The following FSTL4 variants were observed in gnomAD, a reference collection of about 807,000 sequenced individuals.
FSTL4 encodes the protein follistatin like 4, also known as follistatin-related protein 4.
A neutral mutation model predicts 78.2 loss-of-function variants in FSTL4; 28 were observed. The ratio of observed to expected loss-of-function variants is 0.36; its 90% CI spans 0.27 to 0.49. The LOEUF is 0.49. Ranked by LOEUF, FSTL4 falls within the 20% of genes least tolerant of loss-of-function variation. The pLI is 0.98. For missense variants in FSTL4, 922 were observed against 1,084.9 expected (o/e 0.85, Z 2.11); for synonymous variants, 422 against 440.5 (o/e 0.96, Z 0.53).
chr5:133,303,656 T>A (rs1213303413), intron 6 of FSTL4, among the ~76,000 whole-genome samples: 2 of 152,140 alleles, frequency 1.3e-5, no homozygotes, highest in Non-Finnish European at 2.9e-5. Context: ...AGCTGGGCCT[T>A]GTAGTAGTGG....
At chr5:133,450,982 C>G in intron 3 of FSTL4, among the ~76,000 whole-genome samples, 1 of 151,710 alleles carries the variant, frequency 6.6e-6, no homozygotes, top group Non-Finnish European at 1.5e-5. Context: ...GAGACAGGGA[C>G]AGAGGAGGGA....
chr5:133,314,120 T>C (rs891076069), intron 5 of FSTL4, among the ~76,000 whole-genome samples: 2 of 152,160 alleles, frequency 1.3e-5, no homozygotes, highest in African/African-American at 4.8e-5. Flanking sequence ...CAGCTTCTGT[T>C]CAAGACAAGC....
the FSTL4 span, among the ~76,000 whole-genome samples, chr5:133,716,070 C>G: frequency 6.6e-6 from 1 of 152,166 alleles, no homozygotes. Context: ...TAAGCAAGTA[C>G]TGGTTCAAAT....
intron 3 of FSTL4, among the ~76,000 whole-genome samples, chr5:133,509,588 T>C (rs1758682392): frequency 6.6e-6 from 1 of 152,370 alleles, no homozygotes; most frequent in Middle Eastern, 3.4e-3. Flanking sequence ...TAAATGGTTA[T>C]TGCTCTCAGC....
At chr5:133,517,479 C>CCA (rs70974086) in intron 3 of FSTL4, among the ~76,000 whole-genome samples, 3,894 of 54,990 alleles carry the variant, frequency 0.071, 198 homozygotes, top group African/African-American at 0.12. Flanking sequence ...CACACACACA[C>CCA]CACACACACA....
the FSTL4 span, among the ~76,000 whole-genome samples, chr5:133,793,271 G>A: frequency 6.6e-6 from 1 of 152,176 alleles, no homozygotes; most frequent in African/African-American, 2.4e-5. Flanking sequence ...AATGATTTTA[G>A]GTAAACTCAT....
chr5:133,424,745 T>A (rs1007631667), intron 3 of FSTL4, among the ~76,000 whole-genome samples: 2 of 152,326 alleles, frequency 1.3e-5, no homozygotes, highest in African/African-American at 2.4e-5. Flanking sequence ...AAATACCACG[T>A]AAAGGAGAGA....
chr5:133,595,223 T>C (rs549125415), intron 2 of FSTL4, among the ~76,000 whole-genome samples: 2 of 152,240 alleles, frequency 1.3e-5, no homozygotes, highest in South Asian at 4.2e-4. Flanking sequence ...CCTACACACA[T>C]CCCATACGAT....
At chr5:133,235,613 C>A (rs1751636990) in intron 7 of FSTL4, among the ~76,000 whole-genome samples, 1 of 151,916 alleles carries the variant, frequency 6.6e-6, no homozygotes, top group African/African-American at 2.4e-5. Flanking sequence ...TGAGCACATG[C>A]AGCCTGCTTG....
At chr5:133,237,143 C>A (rs1054079993) in intron 7 of FSTL4, among the ~76,000 whole-genome samples, 5 of 152,156 alleles carry the variant, frequency 3.3e-5, no homozygotes, top group Admixed American at 6.5e-5. Context: ...AGGCAGCTGG[C>A]GGGAGGAGCA....
the FSTL4 span, among the ~76,000 whole-genome samples, chr5:133,779,049 C>T: frequency 8.5e-5 from 13 of 152,214 alleles, no homozygotes; most frequent in Non-Finnish European, 1.5e-4. Flanking sequence ...TGTGGGACCA[C>T]CAGTGGCCCA....
intron 3 of FSTL4, among the ~76,000 whole-genome samples, chr5:133,401,845 G>A (rs1756234371): frequency 6.7e-6 from 1 of 149,288 alleles, no homozygotes; most frequent in Admixed American, 6.6e-5. Flanking sequence ...GATGTGAGTA[G>A]GAGTTTTGTA....
At chr5:133,622,116 A>G in the FSTL4 span, among the ~76,000 whole-genome samples, 1 of 150,626 alleles carries the variant, frequency 6.6e-6, no homozygotes, top group East Asian at 1.9e-4. Flanking sequence ...TAACTGTGTC[A>G]TTTTAAGAAT....
At chr5:133,448,743 G>GA (rs1252874663) in intron 3 of FSTL4, among the ~76,000 whole-genome samples, 2 of 150,140 alleles carry the variant, frequency 1.3e-5, no homozygotes, top group Middle Eastern at 3.4e-3. Context: ...CGGGGGCGGG[G>GA]GGGGGGGGCG....
At chr5:133,706,340 T>A in the FSTL4 span, among the ~76,000 whole-genome samples, 8 of 152,222 alleles carry the variant, frequency 5.3e-5, no homozygotes, top group Non-Finnish European at 8.8e-5. Flanking sequence ...TTATGATCAA[T>A]ACTGGAAAAT....
chr5:133,725,290 GA>G, the FSTL4 span, among the ~76,000 whole-genome samples: 1 of 152,242 alleles, frequency 6.6e-6, no homozygotes, highest in East Asian at 1.9e-4. Flanking sequence ...GACTGTAGCA[GA>G]AAAAAAGATG....
At chr5:133,717,093 G>C in the FSTL4 span, among the ~76,000 whole-genome samples, 1 of 152,204 alleles carries the variant, frequency 6.6e-6, no homozygotes, top group Admixed American at 6.5e-5. Flanking sequence ...AAATCTGGGG[G>C]TTTATCATCA....
rs536079547 is a variant in FSTL4 at position 133,297,941 on chromosome 5, T to C, written c.727+14713A>G. Among the ~76,000 whole-genome samples, 11 of 152,324 alleles carry C rather than the reference T, an allele frequency of 7.2e-5. No individual in the cohort carries two copies. In the South Asian group the frequency reaches 1.2e-3, roughly 17 times the overall value. On this transcript the variant is annotated intron_variant, in intron 6 of 15. Coordinates refer to ENST00000265342, the MANE Select transcript of FSTL4 (RefSeq NM_015082.2). The stretch of plus-strand genomic sequence containing the variant: ...CCAGCAGTCCTCTATCCCTAGCCAC[T>C]GGTACCTGCCAAGTTTGAGGCACCC...
chr5:133,470,170 TAC>T (rs1446946838), intron 3 of FSTL4, among the ~76,000 whole-genome samples: 1 of 152,114 alleles, frequency 6.6e-6, no homozygotes, highest in Admixed American at 6.5e-5. Flanking sequence ...GTGCTGTCCT[TAC>T]TTCCGTATTG....
Sources: allele counts gnomAD v4.1 joint callset (sites outside exome capture counted in the v4.1 genomes callset), GRCh38; gene constraint gnomAD v4.1.1; transcripts MANE v1.5; gene names NCBI Gene and HGNC (gene_info 2026-07-23, HGNC 2026-07-21).